ITIH5: variants seen among roughly 807,000 people sequenced by gnomAD.
ITIH5 encodes the protein inter-alpha-trypsin inhibitor heavy chain H5.
ITIH5 carries 65 observed loss-of-function variants against 77.5 expected under a neutral mutation model. That is an observed-to-expected ratio of 0.84 (90% CI 0.69 to 1.03). ITIH5 has a LOEUF of 1.03. Ranked by LOEUF, ITIH5 falls within the 50% of genes least tolerant of loss-of-function variation. ITIH5 has a pLI of 0.00. For missense variants in ITIH5, 1,208 were observed against 1,213.1 expected (o/e 1.00, Z 0.06); for synonymous variants, 525 against 494.3 (o/e 1.06, Z -0.82).
rs188930219 is a variant in ITIH5, at chr10:7,623,752, G to A, written c.653-6470C>T. ...CAGGAGGTGGAGCTCACAGTGAGCC[G>A]AGATTGCACCACTGCACTCCAGCCT... is the stretch of plus-strand genomic sequence containing the variant. On this transcript the variant is annotated intron_variant, in intron 5 of 13. Transcript: ENST00000397146. Among the ~76,000 whole-genome samples, 295 of 137,534 alleles carry A rather than the reference G, an allele frequency of 2.1e-3. 1 individual carries two copies. Among genetic ancestry groups the A allele is most frequent in the African/African-American group, 6.9e-3 (249 of 36,032 alleles). 90.2% of individuals were successfully genotyped at this position (137,534 alleles called of 152,430 possible). A position where few individuals can be genotyped will look rare whatever the true frequency, so the allele number is the denominator to read the frequency against.
intron 1 of ITIH5, 92 bp downstream of exon 1, chr10:7,666,711 C>A (rs1588437370): frequency 2.0e-6 from 2 of 1,022,280 alleles, no homozygotes; most frequent in South Asian, 3.0e-5. Context: ...GGGAGACGGT[C>A]GAAGGGGGCC....
intron 6 of ITIH5, 84 bp downstream of exon 6, chr10:7,617,029 C>T (rs1833380946): frequency 1.2e-6 from 1 of 812,268 alleles, no homozygotes; most frequent in East Asian, 3.0e-5. Context: ...TTCTCTCTCC[C>T]TTAGGTAAAT....
intron 6 of ITIH5, among the ~76,000 whole-genome samples, chr10:7,616,800 C>T (rs549757055): frequency 5.9e-5 from 9 of 152,220 alleles, no homozygotes; most frequent in African/African-American, 2.2e-4. Flanking sequence ...GCACTCCAGC[C>T]TGGGTGACAG....
rs11255194 is a variant in ITIH5 at position 7,572,955 on chromosome 10, T to G, written c.2032+187A>C. 5.7e-6 allele frequency: 3 copies of G among 528,492 alleles called. No homozygotes were observed. The East Asian group carries it at 1.0e-4, about 18-fold the overall frequency. The allele number at this position is 528,492 out of a possible 1,614,324, so 32.7% of individuals were successfully genotyped here. On this transcript the variant is annotated intron_variant, in intron 11 of 13. Coordinates refer to ENST00000397146, the MANE Select transcript of ITIH5 (RefSeq NM_030569.7). Reference sequence around the variant, plus strand: ...ACCATGCCTGGCTAATTTTTGTATTTTTAGTAGAGACGAGGTTTCACCATG... The same window carrying G: ...ACCATGCCTGGCTAATTTTTGTATTGTTAGTAGAGACGAGGTTTCACCATG...
chr10:7,581,365 C>T (rs191833541), intron 8 of ITIH5, among the ~76,000 whole-genome samples: 6 of 152,168 alleles, frequency 3.9e-5, no homozygotes, highest in African/African-American at 7.2e-5. Flanking sequence ...AAAAACCATA[C>T]GAAACAGAAA....
chr10:7,658,019 C>T (rs1311594435), intron 1 of ITIH5, among the ~76,000 whole-genome samples: 2 of 152,180 alleles, frequency 1.3e-5, no homozygotes, highest in Admixed American at 6.5e-5. Flanking sequence ...GATACCACAG[C>T]GTAACCTAGT....
chr10:7,647,275 T>C (rs1049242099), intron 2 of ITIH5, among the ~76,000 whole-genome samples: 2 of 152,158 alleles, frequency 1.3e-5, no homozygotes, highest in Non-Finnish European at 2.9e-5. Flanking sequence ...CACAGCCACA[T>C]CCATTCATTT....
chr10:7,567,670 T>C (rs1032969153), intron 12 of ITIH5, among the ~76,000 whole-genome samples: 1 of 152,228 alleles, frequency 6.6e-6, no homozygotes, highest in Non-Finnish European at 1.5e-5. Context: ...AACTTAGTTG[T>C]TGTTTTTTGT....
Position 7,624,807 on chromosome 10 carries a change from A to ATATACACATATATATGTG in ITIH5, c.653-7526_653-7525insCACATATATATGTGTATA, listed in dbSNP as rs1588408726. On this transcript the variant is annotated intron_variant, in intron 5 of 13. Transcript: ENST00000397146. ...CCTAAAAAAAAAAAAAAATATATATATATATACACATATATATGTGTATAT... is the reference window on the plus strand; with the variant it reads ...CCTAAAAAAAAAAAAAAATATATATATATACACATATATATGTGTATATACACATATATATGTGTATAT... Among the ~76,000 whole-genome samples the ATATACACATATATATGTG allele has an allele frequency of 1.7e-4, 5 of 29,226 alleles. 1 individual carries two copies. Among genetic ancestry groups the ATATACACATATATATGTG allele is most frequent in the African/African-American group, 7.1e-4 (5 of 7,026 alleles). The allele number at this position is 29,226 out of a possible 152,430, so 19.2% of individuals were successfully genotyped here.
At chr10:7,573,571 G>A (rs1324779373) in intron 10 of ITIH5, among the ~76,000 whole-genome samples, 1 of 150,854 alleles carries the variant, frequency 6.6e-6, no homozygotes, top group Non-Finnish European at 1.5e-5. Context: ...AGCTACTTGG[G>A]AGGCTGAGGT....
At chr10:7,628,565 G>A (rs942326921) in intron 5 of ITIH5, among the ~76,000 whole-genome samples, 1 of 152,114 alleles carries the variant, frequency 6.6e-6, no homozygotes, top group African/African-American at 2.4e-5. Context: ...TTCGTGTTGT[G>A]ACATGTGTCC....
chr10:7,618,193 T>G (rs191683129), intron 5 of ITIH5: 2 of 151,922 alleles, frequency 1.3e-5, no homozygotes, highest in East Asian at 3.9e-4. Flanking sequence ...GGTCTTGAAC[T>G]CCTAGGCTCA....
chr10:7,644,525 TA>T (rs1833948260), intron 2 of ITIH5, among the ~76,000 whole-genome samples: 2 of 119,562 alleles, frequency 1.7e-5, no homozygotes, highest in South Asian at 5.3e-4. Context: ...ATATCACATA[TA>T]TATGATATAT....
At chr10:7,646,566 T>C (rs1834012791) in intron 2 of ITIH5, among the ~76,000 whole-genome samples, 1 of 152,236 alleles carries the variant, frequency 6.6e-6, no homozygotes, top group African/African-American at 2.4e-5. Flanking sequence ...ATCTTTATGT[T>C]TCCTCTCAGG....
At chr10:7,636,909 G>A (rs1266394135) in intron 5 of ITIH5, among the ~76,000 whole-genome samples, 1 of 152,118 alleles carries the variant, frequency 6.6e-6, no homozygotes, top group Non-Finnish European at 1.5e-5. Context: ...AAATTAGCCG[G>A]GTGTGGTGGC....
At position 7,573,977 on chromosome 10, in the gene ITIH5, G is replaced by A. The variant is rs372505715; in HGVS notation, c.1979-782C>T. On this transcript the variant is annotated intron_variant, in intron 10 of 13. Transcript: ENST00000397146. ...ATCGCTTACCAGCATTGAACTGTAC[G>A]CTTAAAAATGGGTAAGGTGGTAAAT... is the stretch of plus-strand genomic sequence containing the variant. Among the ~76,000 whole-genome samples the A allele has an allele frequency of 6.6e-5, 10 of 152,236 alleles. No individual in the cohort carries two copies. In the East Asian group the frequency reaches 1.2e-3, roughly 18 times the overall value.
In ITIH5 at chr10:7,655,695, G is replaced by T. The variant is rs533023518; in HGVS notation, c.91-20C>A. 2 of 1,594,618 alleles carry T rather than the reference G, an allele frequency of 1.3e-6. No individual in the cohort carries two copies. Among genetic ancestry groups the T allele is most frequent in the Admixed American group, 1.7e-5 (1 of 59,910 alleles). ...TCCATCCTAGAAAAGAGAAGAGACTGTTAAAAAGGTGATTTTTAAAAGAGA... is the reference window on the plus strand; with the variant it reads ...TCCATCCTAGAAAAGAGAAGAGACTTTTAAAAAGGTGATTTTTAAAAGAGA... On this transcript the variant is annotated intron_variant, in intron 1 of 13. Coordinates refer to ENST00000397146, the MANE Select transcript of ITIH5 (RefSeq NM_030569.7).
intron 2 of ITIH5, among the ~76,000 whole-genome samples, chr10:7,648,079 TAA>T (rs34969787): frequency 1.9e-3 from 280 of 143,696 alleles, no homozygotes; most frequent in Middle Eastern, 3.6e-3. Flanking sequence ...CTGTCTCTAC[TAA>T]AAAAAAAAAA....
intron 2 of ITIH5, among the ~76,000 whole-genome samples, chr10:7,646,576 G>C (rs927918): frequency 6.6e-6 from 1 of 152,094 alleles, no homozygotes; most frequent in South Asian, 2.1e-4. Context: ...TTCCTCTCAG[G>C]GTTTCTGTGG....
Sources: gnomAD v4.1 joint callset for allele counts (sites outside exome capture counted in the v4.1 genomes callset) on GRCh38, gnomAD v4.1.1 for gene constraint, MANE v1.5 for transcripts, NCBI Gene and HGNC (gene_info 2026-07-23, HGNC 2026-07-21) for gene names.